Variants in OTOGL observed in about 807,000 individuals in gnomAD.
OTOGL encodes otogelin-like protein.
OTOGL carries 285 observed loss-of-function variants against 318.5 expected under a neutral mutation model. The observed-to-expected ratio is 0.89, with a 90% CI of 0.81 to 0.99. The LOEUF is 0.99. Among genes scored for constraint, OTOGL ranks in the 50% least tolerant of loss-of-function variants. The probability of loss-of-function intolerance (pLI) is 0.00; values close to 1 mark genes in which losing one functional copy is unlikely to be tolerated. For synonymous variants in OTOGL, 987 were observed against 936.5 expected (o/e 1.05, Z -0.99); for missense variants, 2,899 against 2,845.6 (o/e 1.02, Z -0.43).
chr12:80,169,515 G>A (rs1245013), intron 1 of OTOGL, among the ~76,000 whole-genome samples: 142,178 of 152,296 alleles, frequency 0.93, 66,491 homozygotes, highest in East Asian at 1. Context: ...ATTGCATTTA[G>A]CTATTGTTTT....
At chr12:80,232,190 G>A (rs974232327) in intron 8 of OTOGL, among the ~76,000 whole-genome samples, 2 of 152,068 alleles carry the variant, frequency 1.3e-5, no homozygotes, top group African/African-American at 4.8e-5. Flanking sequence ...TGTGACCCTT[G>A]TTTAAATAGC....
At chr12:80,331,372 G>T (rs991583474) in intron 37 of OTOGL, among the ~76,000 whole-genome samples, 2 of 99,924 alleles carry the variant, frequency 2.0e-5, no homozygotes, top group African/African-American at 3.9e-5. Flanking sequence ...GTGGAGTCTT[G>T]CTCTGTCACT....
At chr12:80,188,928 T>C (rs1875489525) in intron 1 of OTOGL, among the ~76,000 whole-genome samples, 3 of 152,238 alleles carry the variant, frequency 2.0e-5, no homozygotes, top group Admixed American at 2.0e-4. Flanking sequence ...TAGCCATGTC[T>C]CTCCCTTCAG....
chr12:80,353,113 A>G (rs1889655848), intron 45 of OTOGL, among the ~76,000 whole-genome samples: 1 of 152,218 alleles, frequency 6.6e-6, no homozygotes, highest in African/African-American at 2.4e-5. Context: ...AGACCCTTAG[A>G]AAATGTTTAA....
chr12:80,111,206 T>G (rs1484287983), intron 1 of OTOGL, among the ~76,000 whole-genome samples: 1 of 152,244 alleles, frequency 6.6e-6, no homozygotes, highest in African/African-American at 2.4e-5. Context: ...GTAGGTTGCC[T>G]GTTCACTCCA....
intron 1 of OTOGL, among the ~76,000 whole-genome samples, chr12:80,110,273 T>C (rs924170759): frequency 3.3e-5 from 5 of 152,112 alleles, no homozygotes; most frequent in Non-Finnish European, 7.4e-5. Context: ...TTCACCGTGT[T>C]AGCCAGGATG....
chr12:80,306,796 TA>T (rs1364593010), intron 29 of OTOGL, among the ~76,000 whole-genome samples: 10 of 91,910 alleles, frequency 1.1e-4, no homozygotes, highest in African/African-American at 4.2e-4. Flanking sequence ...AATTTTATTT[TA>T]TTATTATTAT....
Position 80,306,700 on chromosome 12 carries a change from T to C in OTOGL, c.3333+1005T>C, listed in dbSNP as rs544536557. The stretch of plus-strand genomic sequence containing the variant: ...TTAACTGTGGCTATCTTACATCTTG[T>C]TACCTTTAGAAGTTTTGAAAAAAAT... On this transcript the variant is annotated intron_variant, in intron 29 of 58. Transcript: ENST00000547103. Among the ~76,000 whole-genome samples, 10 of 152,142 alleles carry C rather than the reference T, an allele frequency of 6.6e-5. 1 individual carries two copies. The South Asian group carries it at 2.1e-3, about 31-fold the overall frequency.
At chr12:80,197,632 A>G (rs1324552991) in intron 1 of OTOGL, among the ~76,000 whole-genome samples, 2 of 152,232 alleles carry the variant, frequency 1.3e-5, no homozygotes, top group South Asian at 2.1e-4. Flanking sequence ...GTGATTCTTA[A>G]TTCAGAGGCC....
chr12:80,105,495 A>T (rs1316077359), intron 1 of OTOGL, among the ~76,000 whole-genome samples: 1 of 152,232 alleles, frequency 6.6e-6, no homozygotes, highest in African/African-American at 2.4e-5. Context: ...GATAACCTGC[A>T]GATTTTTATC....
intron 26 of OTOGL, among the ~76,000 whole-genome samples, chr12:80,290,697 C>A (rs1050637192): frequency 6.6e-6 from 1 of 152,024 alleles, no homozygotes; most frequent in Non-Finnish European, 1.5e-5. Context: ...ACATTTCTAC[C>A]AAAAGCATTA....
At position 80,296,874 on chromosome 12, in the gene OTOGL, C is replaced by T. The variant is rs371322086; in HGVS notation, c.2976C>T (p.Cys992=). The change falls in exon 27 of 59, where the codon TGC becomes TGT. Residue 992 remains cysteine, a synonymous_variant. Coordinates refer to ENST00000547103, the MANE Select transcript of OTOGL (RefSeq NM_001378609.3). ...DISVIAQNKK[C]FDNDIVCSKS... ...CTGTCATTGCCCAGAACAAGAAATG[C>T]TTTGACAACGATATTGTTTGTTCTA... 5 of 1,528,836 alleles carry T rather than the reference C, an allele frequency of 3.3e-6. No homozygotes were observed. In the African/African-American group the frequency reaches 6.8e-5, roughly 21 times the overall value. The allele number at this position is 1,528,836 out of a possible 1,614,324, so 94.7% of individuals were successfully genotyped here. A position where few individuals can be genotyped will look rare whatever the true frequency, so the allele number is the denominator to read the frequency against.
intron 8 of OTOGL, 91 bp downstream of exon 8, chr12:80,229,469 G>A: frequency 7.0e-7 from 1 of 1,430,544 alleles, no homozygotes; most frequent in Non-Finnish European, 9.5e-7. Flanking sequence ...GTGGAGAGTA[G>A]GAAGAGAGGA....
chr12:80,257,735 TG>T (rs1882183662), intron 17 of OTOGL, 89 bp from the exon 18 acceptor site: 1 of 1,180,724 alleles, frequency 8.5e-7, no homozygotes, highest in Admixed American at 3.4e-5. Context: ...CCCTGGTATC[TG>T]GGGAAGAGAG....
intron 1 of OTOGL, among the ~76,000 whole-genome samples, chr12:80,160,965 G>C (rs979177084): frequency 2.0e-5 from 3 of 152,102 alleles, no homozygotes; most frequent in African/African-American, 7.2e-5. Context: ...ATTATTCTAA[G>C]TGAAGTAACT....
chr12:80,353,827 AC>A (rs1434703183), intron 46 of OTOGL, among the ~76,000 whole-genome samples: 2 of 152,198 alleles, frequency 1.3e-5, no homozygotes, highest in Non-Finnish European at 2.9e-5. Flanking sequence ...GTTCATTTTT[AC>A]TCCTATGAGT....
chr12:80,254,626 G>C (rs549304695), intron 15 of OTOGL, 56 bp downstream of exon 15: 1 of 1,371,094 alleles, frequency 7.3e-7, no homozygotes, highest in South Asian at 1.2e-5. Flanking sequence ...AGACTGGGGA[G>C]AAAGATAGCA....
chr12:80,296,928 T>C lies in OTOGL; in HGVS notation c.3030T>C (p.Thr1010=). 1 of 1,553,022 alleles carries C rather than the reference T, an allele frequency of 6.4e-7. No homozygotes were observed. Among genetic ancestry groups the C allele is most frequent in the South Asian group, 1.2e-5 (1 of 85,118 alleles). The part of the protein sequence containing the change: ...SKSVLISVGD[T]EIYLNDTPYK... ...GTGTTTTGATTTCAGTTGGGGACAC[T>C]GAAATTTACCTGAATGATACTCCTT... Residue 1010 remains threonine (T), a synonymous_variant, in exon 27 of 59, where the codon ACT becomes ACC. Transcript: ENST00000547103.
chr12:80,319,025 C>T (rs1375332529), intron 33 of OTOGL, among the ~76,000 whole-genome samples: 1 of 152,034 alleles, frequency 6.6e-6, no homozygotes, highest in Non-Finnish European at 1.5e-5. Context: ...AAAAACCATC[C>T]ACTGATTCTT....
Sources: gnomAD v4.1 joint callset for allele counts (sites outside exome capture counted in the v4.1 genomes callset) on GRCh38, gnomAD v4.1.1 for gene constraint, MANE v1.5 for transcripts, NCBI Gene and HGNC (gene_info 2026-07-23, HGNC 2026-07-21) for gene names.